The following EDIL3 variants were observed in gnomAD, a reference collection of about 807,000 sequenced individuals.
The protein encoded by EDIL3 is EGF-like repeat and discoidin I-like domain-containing protein 3.
In EDIL3, 37 loss-of-function variants were observed where a neutral mutation model predicts 67.4. That is an observed-to-expected ratio of 0.55 (90% CI 0.42 to 0.72). The LOEUF (loss-of-function observed/expected upper bound fraction) is 0.72. EDIL3 is among the 30% of genes least tolerant of loss of function. EDIL3 has a pLI of 0.00. For synonymous variants in EDIL3, 195 were observed against 196.3 expected (o/e 0.99, Z 0.05); for missense variants, 527 against 586.3 (o/e 0.90, Z 1.04).
chr5:84,124,083 G>C (rs995162690), intron 5 of EDIL3, among the ~76,000 whole-genome samples: 1 of 151,792 alleles, frequency 6.6e-6, no homozygotes, highest in Admixed American at 6.6e-5. Flanking sequence ...TTAGCCACTC[G>C]ACTGCCTGAA....
intron 6 of EDIL3, among the ~76,000 whole-genome samples, chr5:84,084,199 C>G (rs1377934700): frequency 1.3e-5 from 2 of 152,052 alleles, no homozygotes; most frequent in African/African-American, 4.8e-5. Flanking sequence ...AGTAATTTTG[C>G]CAAACAGATG....
chr5:84,019,180 T>G, intron 9 of EDIL3, among the ~76,000 whole-genome samples: 1 of 151,972 alleles, frequency 6.6e-6, no homozygotes. Flanking sequence ...ATTAAGAAAA[T>G]GTGGCACATA....
At chr5:84,137,600 T>C (rs149410661) in intron 4 of EDIL3, among the ~76,000 whole-genome samples, 2 of 152,258 alleles carry the variant, frequency 1.3e-5, no homozygotes, top group African/African-American at 4.8e-5. Flanking sequence ...TAAACCACTC[T>C]CCCATTCTGA....
chr5:84,309,130 G>A (rs533269613), intron 1 of EDIL3, among the ~76,000 whole-genome samples: 1 of 152,086 alleles, frequency 6.6e-6, no homozygotes, highest in Admixed American at 6.5e-5. Context: ...AAACTCCTAT[G>A]GCATAATTAT....
chr5:84,188,567 C>T (rs888800933), intron 3 of EDIL3, among the ~76,000 whole-genome samples: 2 of 151,936 alleles, frequency 1.3e-5, no homozygotes, highest in Non-Finnish European at 1.5e-5. Flanking sequence ...TGTGTCCCCC[C>T]GAGAACTTAT....
intron 9 of EDIL3, among the ~76,000 whole-genome samples, chr5:84,032,794 T>C (rs1035160736): frequency 6.6e-6 from 1 of 152,212 alleles, no homozygotes; most frequent in African/African-American, 2.4e-5. Flanking sequence ...ATGATATCAT[T>C]TGCTACCAAT....
At chr5:84,011,715 T>TA (rs1460902071) in intron 9 of EDIL3, among the ~76,000 whole-genome samples, 1 of 152,158 alleles carries the variant, frequency 6.6e-6, no homozygotes, top group African/African-American at 2.4e-5. Flanking sequence ...TCTAATACAC[T>TA]AAGCTTATTC....
Position 84,384,439 on chromosome 5 carries a change from G to C in EDIL3, c.-65C>G. 1 of 1,560,672 alleles carries C rather than the reference G, an allele frequency of 6.4e-7. No homozygotes were observed. Among genetic ancestry groups the C allele is most frequent in the Middle Eastern group, 1.7e-4 (1 of 5,916 alleles). Reference sequence around the variant, plus strand: ...CGTCGCGGAGGGCAGTGTAGCCGAGGTGGCAGCGCAGGGCAGCAGCAGACT... The same window carrying C: ...CGTCGCGGAGGGCAGTGTAGCCGAGCTGGCAGCGCAGGGCAGCAGCAGACT... On this transcript the variant is annotated 5_prime_UTR_variant, in exon 1 of 11. Coordinates refer to ENST00000296591, the MANE Select transcript of EDIL3 (RefSeq NM_005711.5).
intron 1 of EDIL3, among the ~76,000 whole-genome samples, chr5:84,380,950 A>G (rs1301263239): frequency 1.3e-5 from 2 of 152,052 alleles, no homozygotes; most frequent in African/African-American, 4.8e-5. Context: ...TATTTATTTA[A>G]AATACCCTAG....
intron 9 of EDIL3, among the ~76,000 whole-genome samples, chr5:83,989,373 C>CTA (rs1745109806): frequency 1.3e-5 from 2 of 152,150 alleles, no homozygotes; most frequent in African/African-American, 4.8e-5. Context: ...TGAGGCTTTG[C>CTA]TATCAGTGCT....
chr5:84,244,760 G>C (rs1463338822), intron 2 of EDIL3, among the ~76,000 whole-genome samples: 2 of 152,174 alleles, frequency 1.3e-5, no homozygotes, highest in East Asian at 3.9e-4. Context: ...CTTACCCTAA[G>C]CCTGTTCCAT....
chr5:84,354,378 C>T (rs188578409), intron 1 of EDIL3, among the ~76,000 whole-genome samples: 3 of 152,172 alleles, frequency 2.0e-5, no homozygotes, highest in Non-Finnish European at 2.9e-5. Context: ...ATTTTATGGC[C>T]AGGCACGGTG....
chr5:84,133,190 G>C (rs867503322), intron 5 of EDIL3, among the ~76,000 whole-genome samples: 7 of 152,142 alleles, frequency 4.6e-5, no homozygotes, highest in Middle Eastern at 3.4e-3. Context: ...ACTTAATCTA[G>C]TTTAAACATC....
At chr5:84,187,774 G>A (rs1370001372) in intron 3 of EDIL3, among the ~76,000 whole-genome samples, 1 of 151,758 alleles carries the variant, frequency 6.6e-6, no homozygotes, top group East Asian at 1.9e-4. Flanking sequence ...ATTATTCTGG[G>A]AACGCTCACA....
chr5:84,354,426 G>A (rs1035866894), intron 1 of EDIL3, among the ~76,000 whole-genome samples: 58 of 152,232 alleles, frequency 3.8e-4, no homozygotes, highest in African/African-American at 1.2e-3. Context: ...GGAAGCCGAG[G>A]CAAGCAGATC....
At chr5:83,958,973 G>A (rs549155763) in intron 10 of EDIL3, among the ~76,000 whole-genome samples, 6 of 151,250 alleles carry the variant, frequency 4.0e-5, no homozygotes, top group Non-Finnish European at 7.4e-5. Flanking sequence ...TGTAATGAGA[G>A]TGTCATCACA....
chr5:84,194,673 A>G (rs347381), intron 3 of EDIL3, among the ~76,000 whole-genome samples: 96,567 of 151,654 alleles, frequency 0.64, 31,249 homozygotes, highest in East Asian at 0.76. Flanking sequence ...GCACAGATTT[A>G]TGTTACTATA....
intron 5 of EDIL3, among the ~76,000 whole-genome samples, chr5:84,117,139 C>T (rs112035891): frequency 1.4e-3 from 211 of 148,744 alleles, no homozygotes; most frequent in African/African-American, 4.9e-3. Flanking sequence ...GCCATTCTCC[C>T]GCCTCAGCCT....
intron 1 of EDIL3, among the ~76,000 whole-genome samples, chr5:84,262,498 T>C (rs911527461): frequency 6.6e-6 from 1 of 151,870 alleles, no homozygotes; most frequent in Admixed American, 6.6e-5. Flanking sequence ...AATCAGCAAA[T>C]CATAAATAAG....
Sources: gnomAD v4.1 joint callset for allele counts (sites outside exome capture counted in the v4.1 genomes callset) on GRCh38, gnomAD v4.1.1 for gene constraint, MANE v1.5 for transcripts, NCBI Gene and HGNC (gene_info 2026-07-23, HGNC 2026-07-21) for gene names.